Variants in SLC9B2 observed in about 807,000 individuals in gnomAD.
SLC9B2 encodes the protein solute carrier family 9 member B2.
Under a neutral mutation model 52.2 loss-of-function variants are expected in SLC9B2, and 39 were observed. The observed-to-expected ratio is 0.75, with a 90% CI of 0.58 to 0.98. The LOEUF is 0.98. Ranked by LOEUF, SLC9B2 falls within the 50% of genes least tolerant of loss-of-function variation. The probability of loss-of-function intolerance (pLI) is 0.00; values close to 1 mark genes in which losing one functional copy is unlikely to be tolerated. For synonymous variants in SLC9B2, 214 were observed against 227.0 expected (o/e 0.94, Z 0.51); for missense variants, 626 against 637.5 (o/e 0.98, Z 0.19).
At chr4:103,063,989 A>C (rs1745883128) in intron 3 of SLC9B2, among the ~76,000 whole-genome samples, 1 of 152,234 alleles carries the variant, frequency 6.6e-6, no homozygotes, top group Non-Finnish European at 1.5e-5. Context: ...AAAAGACAAA[A>C]GATAACAAGG....
rs148748451 is a variant in SLC9B2, at chr4:103,031,756, A to G, written c.1199T>C (p.Leu400Pro). The change falls in exon 10 of 12, where the codon CTT (leucine) becomes CCT (proline). Residue 400 changes from leucine to proline, a missense_variant. Physicochemically the swap from Leu to Pro is moderately conservative, Grantham distance 98. Coordinates refer to ENST00000394785, the MANE Select transcript of SLC9B2 (RefSeq NM_178833.7). ...AVAWDIFQPL[L>P]FGLIGAEVSI... The stretch of plus-strand genomic sequence containing the variant: ...TACCTCTGCTCCAATTAGTCCAAAA[A>G]GAAGGGGCTGAAAAATGTCCCAGGC... 1 of 1,612,940 alleles carries G rather than the reference A, an allele frequency of 6.2e-7. No individual in the cohort carries two copies. The highest frequency in any genetic ancestry group is 1.3e-5 in the African/African-American group (1 of 74,988).
downstream of SLC9B2, chr4:103,019,988 G>C (rs959146663): frequency 1.1e-6 from 1 of 938,576 alleles, no homozygotes; most frequent in Non-Finnish European, 1.3e-6. Flanking sequence ...AACTCAGATT[G>C]TGTTTCCCCT....
chr4:103,051,691 G>C (rs1282506455), intron 4 of SLC9B2, among the ~76,000 whole-genome samples: 1 of 152,188 alleles, frequency 6.6e-6, no homozygotes, highest in African/African-American at 2.4e-5. Flanking sequence ...CTTCATTCCT[G>C]AATGTATTTC....
chr4:103,023,065 T>C lies in SLC9B2; in HGVS notation c.*3305A>G, dbSNP rs977000046. 1.3e-5 allele frequency among the ~76,000 whole-genome samples: 2 copies of C among 152,168 alleles called. No homozygotes were observed. Among genetic ancestry groups the C allele is most frequent in the African/African-American group, 2.4e-5 (1 of 41,448 alleles). ...TCTGTTGTGTAAGCCACCCAGTGTA[T>C]GGTATTTTGTTATAGCAGCCCAAGC... On this transcript the variant is annotated 3_prime_UTR_variant, in exon 12 of 12. Transcript: ENST00000394785.
At chr4:103,055,163 C>T (rs1745018687) in intron 4 of SLC9B2, among the ~76,000 whole-genome samples, 1 of 146,898 alleles carries the variant, frequency 6.8e-6, no homozygotes, top group South Asian at 2.2e-4. Context: ...ACTGCATGTT[C>T]TCACTCATAG....
At position 103,057,945 on chromosome 4, in the gene SLC9B2, C is replaced by G; in HGVS notation, c.298G>C (p.Val100Leu). Residue 100 changes from valine to leucine, a missense_variant, in exon 4 of 12, where the codon GTA becomes CTA. Transcript: ENST00000394785. ...NVTIIVLLWA[V>L]VWSITGSECL... ...TCACTGCCAGTAATTGACCAAACTA[C>G]AGCCCACAGAAGAACAATGATGGTA... The G allele has an allele frequency of 1.2e-6, 2 of 1,613,174 alleles. No homozygotes were observed. Among genetic ancestry groups the G allele is most frequent in the Admixed American group, 3.3e-5 (2 of 59,706 alleles).
chr4:103,048,317 G>A (rs1471330436), intron 6 of SLC9B2, among the ~76,000 whole-genome samples: 1 of 152,186 alleles, frequency 6.6e-6, no homozygotes, highest in Non-Finnish European at 1.5e-5. Context: ...TTAAATACTT[G>A]TTAAAGATCA....
intron 4 of SLC9B2, among the ~76,000 whole-genome samples, chr4:103,051,693 A>G (rs1744700651): frequency 1.3e-5 from 2 of 152,202 alleles, no homozygotes; most frequent in East Asian, 1.9e-4. Context: ...TCATTCCTGA[A>G]TGTATTTCAC....
chr4:103,041,702 G>A (rs1560546068), intron 9 of SLC9B2, among the ~76,000 whole-genome samples: 1 of 152,060 alleles, frequency 6.6e-6, no homozygotes, highest in Admixed American at 6.6e-5. Flanking sequence ...AAATACACAT[G>A]GTAAGTGTTA....
chr4:103,038,387 C>A (rs1337179267), intron 9 of SLC9B2, among the ~76,000 whole-genome samples: 1 of 152,154 alleles, frequency 6.6e-6, no homozygotes, highest in African/African-American at 2.4e-5. Context: ...TTGATTATAA[C>A]ACTTTAGACT....
At chr4:103,065,251 C>A (rs1746020679) in intron 3 of SLC9B2, among the ~76,000 whole-genome samples, 1 of 151,532 alleles carries the variant, frequency 6.6e-6, no homozygotes, top group South Asian at 2.1e-4. Flanking sequence ...GGTTGTTGGT[C>A]ACAGGATACA....
chr4:103,037,204 T>C (rs1051500663), intron 9 of SLC9B2, among the ~76,000 whole-genome samples: 5 of 152,228 alleles, frequency 3.3e-5, no homozygotes, highest in Non-Finnish European at 5.9e-5. Context: ...TTTATTAACC[T>C]TTCTGAAATG....
At chr4:103,071,384 T>A (rs533577467) in intron 1 of SLC9B2, among the ~76,000 whole-genome samples, 1 of 149,788 alleles carries the variant, frequency 6.7e-6, no homozygotes, top group Admixed American at 6.6e-5. Flanking sequence ...TTGTATTTTT[T>A]TTTTTTTTTT....
At chr4:103,076,793 G>C (rs190048799), upstream of SLC9B2, 17 of 152,442 alleles carry the variant, frequency 1.1e-4, no homozygotes, top group Admixed American at 7.8e-4. Context: ...CACAGCGCAG[G>C]CTCCTCGGGA....
rs142943178 is a variant in SLC9B2 at position 103,026,760 on chromosome 4, C to T, written c.1393-169G>A. Among the ~76,000 whole-genome samples, 679 of 152,200 alleles carry T rather than the reference C, an allele frequency of 4.5e-3. 8 individuals carry two copies. Among genetic ancestry groups the T allele is most frequent in the African/African-American group, 0.016 (657 of 41,516 alleles). On this transcript the variant is annotated intron_variant, in intron 11 of 11. Coordinates refer to ENST00000394785, the MANE Select transcript of SLC9B2 (RefSeq NM_178833.7). ...CTAAATGACGAGTTAATGGGTGCAG[C>T]ACACCAACATGGCACATGTATACAT...
At chr4:103,059,835 TTACAG>T (rs148838913) in intron 3 of SLC9B2, among the ~76,000 whole-genome samples, 348 of 152,312 alleles carry the variant, frequency 2.3e-3, no homozygotes, top group African/African-American at 8.1e-3. Flanking sequence ...GGAGAATCTG[TTACAG>T]TAAATTCTTA....
chr4:103,070,991 T>C lies in SLC9B2; in HGVS notation c.-42-3399A>G, dbSNP rs1746569592. Among the ~76,000 whole-genome samples, 4 of 152,112 alleles carry C rather than the reference T, an allele frequency of 2.6e-5. No homozygotes were observed. The South Asian group carries it at 8.3e-4, about 32-fold the overall frequency. The stretch of plus-strand genomic sequence containing the variant: ...AGTTTTCTTAACCTTTTCTCCCCAC[T>C]TGAAAGAATTGTCCTTAAGAGATCA... On this transcript the variant is annotated intron_variant, in intron 1 of 11. Coordinates refer to ENST00000394785, the MANE Select transcript of SLC9B2 (RefSeq NM_178833.7).
In SLC9B2 at chr4:103,022,295, A is replaced by G. The variant is rs1049556116; in HGVS notation, c.*4075T>C. On this transcript the variant is annotated 3_prime_UTR_variant, in exon 12 of 12. Transcript: ENST00000394785. ...CTGTTTTATTCATTGCAAAATGAAT[A>G]TCTGAATATAAACATGAAGGCTTAG... Among the ~76,000 whole-genome samples the G allele has an allele frequency of 1.3e-5, 2 of 152,230 alleles. No individual in the cohort carries two copies. The highest frequency in any genetic ancestry group is 4.8e-5 in the African/African-American group (2 of 41,460).
intron 7 of SLC9B2, among the ~76,000 whole-genome samples, chr4:103,046,279 T>A (rs1273374985): frequency 6.6e-6 from 1 of 152,238 alleles, no homozygotes; most frequent in African/African-American, 2.4e-5. Context: ...AAATTTTATA[T>A]CCCAATTTTG....
Sources: gnomAD v4.1 joint callset for allele counts (sites outside exome capture counted in the v4.1 genomes callset) on GRCh38, gnomAD v4.1.1 for gene constraint, MANE v1.5 for transcripts, NCBI Gene and HGNC (gene_info 2026-07-23, HGNC 2026-07-21) for gene names.